STIL: variants seen among roughly 807,000 people sequenced by gnomAD.
The protein encoded by STIL is STIL centriolar assembly protein.
STIL carries 55 observed loss-of-function variants against 110.1 expected under a neutral mutation model. That is an observed-to-expected ratio of 0.50 (90% CI 0.40 to 0.63). The LOEUF (loss-of-function observed/expected upper bound fraction) is 0.63, where lower values mean the gene tolerates loss of function less well. Among genes scored for constraint, STIL ranks in the 20% least tolerant of loss-of-function variants. The pLI, the probability that STIL is intolerant of heterozygous loss-of-function variation, is 0.00. For missense variants in STIL, 1,358 were observed against 1,530.0 expected (o/e 0.89, Z 1.87); for synonymous variants, 481 against 530.0 (o/e 0.91, Z 1.27).
In STIL at chr1:47,250,557, C is replaced by T. The variant is rs936486827; in HGVS notation, c.*579G>A. ...CAGTATAGCTGGGCGCAGTGGCTCACGCCTGTAATCCCAGCACTTTAGGAG... is the reference window on the plus strand; with the variant it reads ...CAGTATAGCTGGGCGCAGTGGCTCATGCCTGTAATCCCAGCACTTTAGGAG... On this transcript the variant is annotated 3_prime_UTR_variant, in exon 17 of 17. Transcript: ENST00000371877. 7 of 159,462 alleles carry T rather than the reference C, an allele frequency of 4.4e-5. No individual in the cohort carries two copies. Among genetic ancestry groups the T allele is most frequent in the East Asian group, 1.5e-4 (1 of 6,624 alleles). The allele number at this position is 159,462 out of a possible 1,614,324, so 9.9% of individuals were successfully genotyped here.
intron 16 of STIL, among the ~76,000 whole-genome samples, chr1:47,253,950 G>GAGCAGATCACCTGAGGTC (rs1553168094): frequency 3.3e-5 from 5 of 152,124 alleles, no homozygotes; most frequent in Middle Eastern, 3.4e-3. Flanking sequence ...AGGCCGAGGT[G>GAGCAGATCACCTGAGGTC]AGCAGATCAC....
chr1:47,304,148 C>T (rs769443330), intron 3 of STIL, among the ~76,000 whole-genome samples: 5 of 149,716 alleles, frequency 3.3e-5, no homozygotes, highest in African/African-American at 5.0e-5. Flanking sequence ...ATTATTGCAC[C>T]GTTTTTTTTT....
intron 13 of STIL, among the ~76,000 whole-genome samples, chr1:47,271,572 A>T (rs1644836304): frequency 2.6e-5 from 4 of 151,876 alleles, no homozygotes; most frequent in Admixed American, 2.0e-4. Context: ...AAAAAAAAAA[A>T]AAAAAAGTAA....
At chr1:47,283,184 C>G (rs1475998864) in intron 10 of STIL, 1 of 152,176 alleles carries the variant, frequency 6.6e-6, no homozygotes, top group African/African-American at 2.4e-5. Flanking sequence ...AAAAAAGCAC[C>G]CTGCATTCTG....
In STIL at chr1:47,251,368, A is replaced by C. The variant is rs777437089; in HGVS notation, c.3635T>G (p.Leu1212Trp). 1 of 1,614,106 alleles carries C rather than the reference A, an allele frequency of 6.2e-7. No homozygotes were observed. Among genetic ancestry groups the C allele is most frequent in the African/African-American group, 1.3e-5 (1 of 74,926 alleles). The part of the protein sequence containing the change: ...EVLQTKAKQQ[L>W]TEKPAFLVKN... ...TACTAAGAAAGCTGGCTTTTCAGTCAACTGCTGTTTTGCTTTTGTCTGCAA... is the reference window on the plus strand; with the variant it reads ...TACTAAGAAAGCTGGCTTTTCAGTCCACTGCTGTTTTGCTTTTGTCTGCAA... Residue 1212 changes from leucine to tryptophan, a missense_variant, in exon 17 of 17, where the codon TTG (leucine) becomes TGG (tryptophan). Physicochemically the swap from Leu to Trp is moderately conservative, Grantham distance 61. Coordinates refer to ENST00000371877, the MANE Select transcript of STIL (RefSeq NM_001048166.1).
rs758575576 is a variant in STIL at position 47,272,107 on chromosome 1, C to T, written c.2352G>A (p.Met784Ile). Reference sequence around the variant, plus strand: ...TCACAGCAATGCTTACACCTTTTCTCATGTGCAAGCCAGGGGAAGACTGTG... The same window carrying T: ...TCACAGCAATGCTTACACCTTTTCTTATGTGCAAGCCAGGGGAAGACTGTG... ...VEAQSSPGLHMRKGVSIAVST... is the reference protein window; with the variant it reads ...VEAQSSPGLHIRKGVSIAVST... The change falls in exon 13 of 17, where the codon ATG becomes ATA. Residue 784 changes from methionine to isoleucine, a missense_variant. By Grantham distance (10) the Met-to-Ile change is conservative. Transcript: ENST00000371877. 1 of 1,614,062 alleles carries T rather than the reference C, an allele frequency of 6.2e-7. No homozygotes were observed.
At chr1:47,267,830 C>T (rs920624027) in intron 14 of STIL, among the ~76,000 whole-genome samples, 41 of 152,040 alleles carry the variant, frequency 2.7e-4, no homozygotes, top group African/African-American at 9.4e-4. Context: ...CTGCCTCAGC[C>T]TCCCAAGTAC....
intron 14 of STIL, 91 bp from the exon 15 acceptor site, chr1:47,263,207 G>T: frequency 8.5e-7 from 1 of 1,179,020 alleles, no homozygotes; most frequent in Non-Finnish European, 1.2e-6. Context: ...TAAGACTCAA[G>T]CAGCACCTGG....
chr1:47,275,405 A>G (rs960834447), intron 12 of STIL, among the ~76,000 whole-genome samples: 8 of 151,812 alleles, frequency 5.3e-5, no homozygotes, highest in African/African-American at 1.9e-4. Flanking sequence ...TCAGGAGATC[A>G]AGACCATCCT....
chr1:47,281,428 G>T (rs1162374558), intron 11 of STIL, among the ~76,000 whole-genome samples: 1 of 152,058 alleles, frequency 6.6e-6, no homozygotes, highest in African/African-American at 2.4e-5. Context: ...TGCCCTAAAA[G>T]AATAAAACTA....
At chr1:47,296,773 C>T (rs1020015511) in intron 6 of STIL, among the ~76,000 whole-genome samples, 1 of 152,026 alleles carries the variant, frequency 6.6e-6, no homozygotes, top group Admixed American at 6.5e-5. Flanking sequence ...GAGATTGCAC[C>T]ACTGCACTTC....
intron 8 of STIL, among the ~76,000 whole-genome samples, chr1:47,291,246 A>G (rs12729251): frequency 0.25 from 37,290 of 151,958 alleles, 5,006 homozygotes; most frequent in Non-Finnish European, 0.32. Flanking sequence ...CTGTAATCCC[A>G]GCTACTCAGG....
chr1:47,295,297 T>C (rs11211508), intron 7 of STIL, among the ~76,000 whole-genome samples: 26,261 of 151,964 alleles, frequency 0.17, 2,904 homozygotes, highest in East Asian at 0.53. Flanking sequence ...GGACAAAATC[T>C]GGCTGAGCAT....
At chr1:47,255,468 A>G (rs1644301527) in intron 16 of STIL, among the ~76,000 whole-genome samples, 1 of 150,456 alleles carries the variant, frequency 6.6e-6, no homozygotes, top group African/African-American at 2.4e-5. Flanking sequence ...GGATCACTTG[A>G]GCCCAGGAGA....
intron 6 of STIL, among the ~76,000 whole-genome samples, chr1:47,297,134 G>A (rs1309671103): frequency 6.6e-6 from 1 of 152,164 alleles, no homozygotes; most frequent in East Asian, 1.9e-4. Context: ...ATGAGGTCAG[G>A]AGTTCAAGAC....
intron 6 of STIL, among the ~76,000 whole-genome samples, chr1:47,299,227 A>G (rs1645731256): frequency 6.6e-6 from 1 of 151,338 alleles, no homozygotes; most frequent in African/African-American, 2.4e-5. Flanking sequence ...TGCACCTGTA[A>G]TCACAGCTAC....
At chr1:47,264,271 A>G (rs575018453) in intron 14 of STIL, among the ~76,000 whole-genome samples, 7 of 152,328 alleles carry the variant, frequency 4.6e-5, no homozygotes, top group African/African-American at 1.4e-4. Context: ...TGGCGCCTCA[A>G]TCTTGGAGTT....
At chr1:47,278,326 A>G (rs902124337) in intron 12 of STIL, among the ~76,000 whole-genome samples, 1 of 152,156 alleles carries the variant, frequency 6.6e-6, no homozygotes, top group Non-Finnish European at 1.5e-5. Flanking sequence ...TAAAAAATGT[A>G]TAAGATACTT....
intron 16 of STIL, among the ~76,000 whole-genome samples, chr1:47,259,050 A>G (rs1281541215): frequency 3.5e-5 from 4 of 115,484 alleles, no homozygotes; most frequent in African/African-American, 1.4e-4. Context: ...GCAGTGGCGC[A>G]ATCTCGGCTC....
Sources: allele counts gnomAD v4.1 joint callset (sites outside exome capture counted in the v4.1 genomes callset), GRCh38; gene constraint gnomAD v4.1.1; transcripts MANE v1.5; gene names NCBI Gene and HGNC (gene_info 2026-07-23, HGNC 2026-07-21).